The following STK24 variants were observed in gnomAD, a reference collection of about 807,000 sequenced individuals.
The protein encoded by STK24 is serine/threonine kinase 24, also known as serine/threonine-protein kinase 24.
Under a neutral mutation model 55.6 loss-of-function variants are expected in STK24, and 21 were observed. The observed-to-expected ratio is 0.38, with a 90% CI of 0.27 to 0.54. The LOEUF is 0.54. Ranked by LOEUF, STK24 falls within the 20% of genes least tolerant of loss-of-function variation. STK24 has a pLI of 0.79. For synonymous variants in STK24, 200 were observed against 215.2 expected, an observed-to-expected ratio of 0.93 and a Z score of 0.62; for missense variants, 383 against 538.4, an observed-to-expected ratio of 0.71 and a Z score of 2.86.
chr13:98,474,049 A>C (rs9517320), intron 5 of STK24, among the ~76,000 whole-genome samples: 82,675 of 152,076 alleles, frequency 0.54, 22,741 homozygotes, highest in Non-Finnish European at 0.58. Context: ...GTGGCCTTTT[A>C]ACTGTGTACA....
intron 1 of STK24, among the ~76,000 whole-genome samples, chr13:98,555,459 G>A (rs536216355): frequency 2.1e-4 from 32 of 151,700 alleles, no homozygotes; most frequent in African/African-American, 7.2e-4. Flanking sequence ...GGCGCCTGTA[G>A]TCCCAGCTAC....
intron 1 of STK24, among the ~76,000 whole-genome samples, chr13:98,525,754 G>A (rs145357559): frequency 3.9e-5 from 6 of 152,342 alleles, no homozygotes; most frequent in Non-Finnish European, 7.4e-5. Flanking sequence ...TGAGGAAAGG[G>A]TTCAGGGATA....
rs1257403145 is a variant in STK24, at chr13:98,457,205, C to T, written c.1222G>A (p.Asp408Asn). 6 of 1,612,248 alleles carry T rather than the reference C, an allele frequency of 3.7e-6. No homozygotes were observed. Among genetic ancestry groups the T allele is most frequent in the Admixed American group, 3.3e-5 (2 of 59,958 alleles). ...TGCACGAGCTGGGCCACCATGGTGT[C>T]GGAGATGCCAGGGCACGCCTCCTCC... The part of the protein sequence containing the change: ...LAEEACPGIS[D>N]TMVAQLVQRL... The change falls in exon 10 of 11, where the codon GAC becomes AAC. Residue 408 changes from aspartate to asparagine, a missense_variant. Transcript: ENST00000539966.
intron 1 of STK24, among the ~76,000 whole-genome samples, chr13:98,547,279 C>T (rs1359838998): frequency 2.6e-5 from 4 of 152,158 alleles, no homozygotes; most frequent in Non-Finnish European, 5.9e-5. Context: ...GGCCCAGTGG[C>T]TCACACCTGT....
At chr13:98,522,455 C>T (rs1896296672) in intron 1 of STK24, among the ~76,000 whole-genome samples, 1 of 152,204 alleles carries the variant, frequency 6.6e-6, no homozygotes, top group South Asian at 2.1e-4. Context: ...CCAATGGATT[C>T]TGATCAATTG....
At chr13:98,529,935 A>G (rs1896537877) in intron 1 of STK24, among the ~76,000 whole-genome samples, 1 of 152,172 alleles carries the variant, frequency 6.6e-6, no homozygotes, top group Admixed American at 6.5e-5. Flanking sequence ...TAAACCTCTT[A>G]AAATAGAAAG....
intron 1 of STK24, among the ~76,000 whole-genome samples, chr13:98,569,432 A>T (rs1266733875): frequency 6.6e-6 from 1 of 151,964 alleles, no homozygotes; most frequent in South Asian, 2.1e-4. Flanking sequence ...AAAAACAAAA[A>T]AAAACAAAAC....
At chr13:98,473,653 G>C (rs991251557) in intron 5 of STK24, among the ~76,000 whole-genome samples, 1 of 152,176 alleles carries the variant, frequency 6.6e-6, no homozygotes, top group African/African-American at 2.4e-5. Flanking sequence ...TGCTGTGTGG[G>C]TATGTGGGGG....
chr13:98,548,523 A>C (rs1897083464), intron 1 of STK24, among the ~76,000 whole-genome samples: 1 of 152,226 alleles, frequency 6.6e-6, no homozygotes, highest in Non-Finnish European at 1.5e-5. Context: ...GATGATGCGT[A>C]CACTTCACTA....
chr13:98,570,159 G>A (rs1175912227), intron 1 of STK24, among the ~76,000 whole-genome samples: 3 of 152,100 alleles, frequency 2.0e-5, no homozygotes, highest in South Asian at 2.1e-4. Context: ...GATTACAGGC[G>A]TGAGCCACCG....
At chr13:98,501,750 T>G (rs960267171) in intron 2 of STK24, among the ~76,000 whole-genome samples, 1 of 152,218 alleles carries the variant, frequency 6.6e-6, no homozygotes, top group Admixed American at 6.5e-5. Flanking sequence ...CCAATCCTCA[T>G]GTATCATCTC....
intron 1 of STK24, among the ~76,000 whole-genome samples, chr13:98,524,171 G>C (rs750221387): frequency 6.6e-6 from 1 of 152,066 alleles, no homozygotes; most frequent in Non-Finnish European, 1.5e-5. Context: ...CCTGGGGACC[G>C]GAAGGCAACC....
chr13:98,458,556 G>T (rs1893564279), intron 9 of STK24, among the ~76,000 whole-genome samples: 1 of 152,104 alleles, frequency 6.6e-6, no homozygotes, highest in Non-Finnish European at 1.5e-5. Flanking sequence ...CACGCCGCCG[G>T]CCCCGAGGCG....
chr13:98,446,767 C>A lies in STK24; in HGVS notation c.*6406G>T, dbSNP rs144436647. On this transcript the variant is annotated 3_prime_UTR_variant, in exon 11 of 11. Transcript: ENST00000539966. ...AAGACTACGTGTTCAAGCTGCACTT[C>A]AAGTCCCACGTCTACTACTTCAGGG... 2 of 1,614,202 alleles carry A rather than the reference C, an allele frequency of 1.2e-6. No homozygotes were observed. The highest frequency in any genetic ancestry group is 3.3e-5 in the Admixed American group (2 of 60,028).
intron 2 of STK24, among the ~76,000 whole-genome samples, chr13:98,503,024 G>GTTTTGTTTTTTTTTTTTT (rs1555306357): frequency 1.9e-5 from 2 of 107,082 alleles, no homozygotes; most frequent in African/African-American, 8.0e-5. Context: ...CTTTCCATGT[G>GTTTTGTTTTTTTTTTTTT]TTTTTTTTTT....
chr13:98,535,900 G>A (rs1896718273), intron 1 of STK24, among the ~76,000 whole-genome samples: 1 of 152,170 alleles, frequency 6.6e-6, no homozygotes, highest in African/African-American at 2.4e-5. Context: ...ATTCCCTACA[G>A]GTGAACTCAC....
At position 98,450,176 on chromosome 13, in the gene STK24, CAT is replaced by C. The variant is rs1380921683; in HGVS notation, c.*2995_*2996del. On this transcript the variant is annotated 3_prime_UTR_variant, in exon 11 of 11. Coordinates refer to ENST00000539966, the MANE Select transcript of STK24 (RefSeq NM_001032296.4). ...TGAGTGGAGTTTGAGACACACTACACATGAGACACACAATGATGCAGATACTC... is the reference window on the plus strand; with the variant it reads ...TGAGTGGAGTTTGAGACACACTACACGAGACACACAATGATGCAGATACTC... 8 of 152,180 alleles carry C rather than the reference CAT, an allele frequency of 5.3e-5. No individual in the cohort carries two copies. Among genetic ancestry groups the C allele is most frequent in the Admixed American group, 1.3e-4 (2 of 15,280 alleles). The allele number at this position is 152,180 out of a possible 1,614,324, so 9.4% of individuals were successfully genotyped here.
rs536937040 is a variant in STK24, at chr13:98,469,113, G to A, written c.598-2552C>T. 3.7e-4 allele frequency among the ~76,000 whole-genome samples: 57 copies of A among 152,328 alleles called. No individual in the cohort carries two copies. The East Asian group carries it at 9.9e-3, about 26-fold the overall frequency. The stretch of plus-strand genomic sequence containing the variant: ...ACAGATAATAAGCAGGCGGCCGAAC[G>A]CCTGCTTGCGAACGCCTGCTTCTGC... On this transcript the variant is annotated intron_variant, in intron 5 of 10. Coordinates refer to ENST00000539966, the MANE Select transcript of STK24 (RefSeq NM_001032296.4).
intron 3 of STK24, among the ~76,000 whole-genome samples, chr13:98,480,353 T>C (rs1463316766): frequency 3.9e-5 from 6 of 152,228 alleles, no homozygotes; most frequent in Middle Eastern, 3.2e-3. Context: ...TGTAAACAAC[T>C]TCGTATATGC....
Sources: allele counts gnomAD v4.1 joint callset (sites outside exome capture counted in the v4.1 genomes callset), GRCh38; gene constraint gnomAD v4.1.1; transcripts MANE v1.5; gene names NCBI Gene and HGNC (gene_info 2026-07-23, HGNC 2026-07-21).